Variants in SLC35F1 observed in about 807,000 individuals in gnomAD.
SLC35F1 encodes the protein solute carrier family 35 member F1.
SLC35F1 carries 14 observed loss-of-function variants against 48.7 expected under a neutral mutation model. That is an observed-to-expected ratio of 0.29 (90% CI 0.19 to 0.45). The LOEUF (loss-of-function observed/expected upper bound fraction) is 0.45. Among genes scored for constraint, SLC35F1 ranks in the 20% least tolerant of loss-of-function variants. The pLI, the probability that SLC35F1 is intolerant of heterozygous loss-of-function variation, is 1.00. For synonymous variants in SLC35F1, 190 were observed against 202.2 expected, an observed-to-expected ratio of 0.94 and a Z score of 0.51; for missense variants, 404 against 500.0, an observed-to-expected ratio of 0.81 and a Z score of 1.83.
At chr6:117,965,540 G>A (rs1268290316) in intron 1 of SLC35F1, among the ~76,000 whole-genome samples, 1 of 152,180 alleles carries the variant, frequency 6.6e-6, no homozygotes, top group Non-Finnish European at 1.5e-5. Flanking sequence ...GGGAGGAAGA[G>A]CACCCGTCCT....
chr6:118,019,919 C>T (rs1445312263), intron 1 of SLC35F1, among the ~76,000 whole-genome samples: 1 of 152,142 alleles, frequency 6.6e-6, no homozygotes, highest in Non-Finnish European at 1.5e-5. Context: ...AAACACTAAC[C>T]TCATCCACTT....
At chr6:118,235,247 A>G (rs1298183250) in intron 2 of SLC35F1, among the ~76,000 whole-genome samples, 1 of 152,124 alleles carries the variant, frequency 6.6e-6, no homozygotes, top group African/African-American at 2.4e-5. Flanking sequence ...ATTCACACAC[A>G]AAAGATGTTT....
intron 1 of SLC35F1, among the ~76,000 whole-genome samples, chr6:118,105,311 C>T (rs1435304660): frequency 6.6e-6 from 1 of 152,196 alleles, no homozygotes; most frequent in Non-Finnish European, 1.5e-5. Context: ...GATTCAGTGT[C>T]CACACAGGCA....
intron 3 of SLC35F1, among the ~76,000 whole-genome samples, chr6:118,245,219 G>A (rs1775492167): frequency 6.6e-6 from 1 of 152,122 alleles, no homozygotes; most frequent in Non-Finnish European, 1.5e-5. Context: ...CCTCCACCTG[G>A]CTAAGTAGCA....
intron 1 of SLC35F1, among the ~76,000 whole-genome samples, chr6:117,972,698 A>G (rs902922760): frequency 6.6e-6 from 1 of 152,078 alleles, no homozygotes; most frequent in Non-Finnish European, 1.5e-5. Context: ...CTATCACAAG[A>G]ACAGCATGGG....
chr6:117,914,831 C>A (rs1051575065), intron 1 of SLC35F1, among the ~76,000 whole-genome samples: 2 of 151,960 alleles, frequency 1.3e-5, no homozygotes, highest in Non-Finnish European at 2.9e-5. Context: ...AATTACTCAA[C>A]GTCTACATAG....
chr6:118,109,240 G>A lies in SLC35F1; in HGVS notation c.174-45205G>A, dbSNP rs184484096. Among the ~76,000 whole-genome samples the A allele has an allele frequency of 1.1e-4, 16 of 152,308 alleles. No homozygotes were observed. In the East Asian group the frequency reaches 2.9e-3, roughly 28 times the overall value. On this transcript the variant is annotated intron_variant, in intron 1 of 7. Coordinates refer to ENST00000360388, the MANE Select transcript of SLC35F1 (RefSeq NM_001029858.4). Reference sequence around the variant, plus strand: ...GAGGAAATGGGTGATGTAAACAGATGTGGAGCATATAGAAAAATGTAGGTG... The same window carrying A: ...GAGGAAATGGGTGATGTAAACAGATATGGAGCATATAGAAAAATGTAGGTG...
chr6:118,022,230 G>T (rs1353516597), intron 1 of SLC35F1, among the ~76,000 whole-genome samples: 1 of 152,158 alleles, frequency 6.6e-6, no homozygotes, highest in Non-Finnish European at 1.5e-5. Context: ...TTGGTGATCG[G>T]GAAGAAAATT....
At chr6:118,128,770 C>T (rs1473297608) in intron 1 of SLC35F1, among the ~76,000 whole-genome samples, 3 of 151,064 alleles carry the variant, frequency 2.0e-5, no homozygotes, top group Non-Finnish European at 1.5e-5. Context: ...ATGTAACTAA[C>T]CTGCACATTG....
intron 1 of SLC35F1, among the ~76,000 whole-genome samples, chr6:118,100,980 C>G (rs1447772993): frequency 6.6e-6 from 1 of 152,134 alleles, no homozygotes; most frequent in Non-Finnish European, 1.5e-5. Flanking sequence ...AGGTTACCTC[C>G]CAGGAACTTG....
chr6:118,308,366 T>C (rs1043504892), intron 7 of SLC35F1, among the ~76,000 whole-genome samples: 2 of 152,220 alleles, frequency 1.3e-5, no homozygotes, highest in Non-Finnish European at 2.9e-5. Context: ...TTTCACAAAC[T>C]TAATTAAAAG....
chr6:117,996,710 C>A (rs1456299281), intron 1 of SLC35F1, among the ~76,000 whole-genome samples: 5 of 152,182 alleles, frequency 3.3e-5, no homozygotes, highest in Non-Finnish European at 7.3e-5. Flanking sequence ...AACAGACCTG[C>A]AGCTGAGGGT....
intron 1 of SLC35F1, among the ~76,000 whole-genome samples, chr6:118,030,662 C>G (rs182556369): frequency 7.3e-4 from 111 of 152,158 alleles, no homozygotes; most frequent in Non-Finnish European, 1.4e-3. Context: ...AATCATCCCC[C>G]TATGTTTATG....
At chr6:118,111,623 G>A (rs1773401794) in intron 1 of SLC35F1, among the ~76,000 whole-genome samples, 1 of 152,090 alleles carries the variant, frequency 6.6e-6, no homozygotes, top group Non-Finnish European at 1.5e-5. Flanking sequence ...AAATGATATA[G>A]ATCAGAAACT....
intron 1 of SLC35F1, among the ~76,000 whole-genome samples, chr6:118,018,884 C>A (rs1445363940): frequency 6.6e-6 from 1 of 152,116 alleles, no homozygotes; most frequent in Non-Finnish European, 1.5e-5. Context: ...GCTTTGAGGA[C>A]ACTCCAATAC....
At chr6:118,187,976 C>T (rs1774681950) in intron 2 of SLC35F1, among the ~76,000 whole-genome samples, 2 of 152,316 alleles carry the variant, frequency 1.3e-5, no homozygotes, top group South Asian at 4.1e-4. Context: ...GAGCAGTCAG[C>T]ACTTACCAAA....
At chr6:117,938,464 A>G (rs1384620122) in intron 1 of SLC35F1, among the ~76,000 whole-genome samples, 1 of 152,200 alleles carries the variant, frequency 6.6e-6, no homozygotes, top group Non-Finnish European at 1.5e-5. Context: ...CTCACAAGCC[A>G]GTCAGGAACC....
At chr6:118,086,444 A>G (rs1004422659) in intron 1 of SLC35F1, among the ~76,000 whole-genome samples, 5 of 152,206 alleles carry the variant, frequency 3.3e-5, no homozygotes, top group Non-Finnish European at 7.3e-5. Flanking sequence ...CAGAGCAGCC[A>G]TGTGCTCTCT....
intron 2 of SLC35F1, among the ~76,000 whole-genome samples, chr6:118,211,994 T>C (rs1383897829): frequency 2.0e-5 from 3 of 152,212 alleles, no homozygotes; most frequent in African/African-American, 7.2e-5. Flanking sequence ...CCAATCAGCA[T>C]TCAGTCCCCT....
Sources: allele counts gnomAD v4.1 joint callset (sites outside exome capture counted in the v4.1 genomes callset), GRCh38; gene constraint gnomAD v4.1.1; transcripts MANE v1.5; gene names NCBI Gene and HGNC (gene_info 2026-07-23, HGNC 2026-07-21).